Variants in CHMP3 observed in about 807,000 individuals in gnomAD.
CHMP3 encodes charged multivesicular body protein 3, also known as 25.1 protein.
A neutral mutation model predicts 27.4 loss-of-function variants in CHMP3; 8 were observed. The ratio of observed to expected loss-of-function variants is 0.29; its 90% CI spans 0.17 to 0.53. CHMP3 has a LOEUF of 0.53. Ranked by LOEUF, CHMP3 falls within the 20% of genes least tolerant of loss-of-function variation. The probability of loss-of-function intolerance (pLI) is 0.96; values close to 1 mark genes in which losing one functional copy is unlikely to be tolerated. For missense variants in CHMP3, 208 were observed against 271.5 expected (o/e 0.77, Z 1.64); for synonymous variants, 86 against 85.5 (o/e 1.01, Z -0.03).
intron 4 of CHMP3, among the ~76,000 whole-genome samples, chr2:86,507,941 C>T (rs80099165): frequency 0.016 from 2,390 of 152,262 alleles, 22 homozygotes; most frequent in Non-Finnish European, 0.026. Context: ...AAGCATCTGT[C>T]CTAACACTGC....
chr2:86,517,120 A>T (rs1675338223), intron 3 of CHMP3, among the ~76,000 whole-genome samples: 2 of 152,120 alleles, frequency 1.3e-5, no homozygotes, highest in Admixed American at 1.3e-4. Context: ...GCCTTAATTT[A>T]AAAAAAATTA....
At chr2:86,552,043 T>C (rs772313626) in intron 1 of CHMP3, among the ~76,000 whole-genome samples, 2 of 152,194 alleles carry the variant, frequency 1.3e-5, no homozygotes, top group Non-Finnish European at 2.9e-5. Context: ...CATACCAGGA[T>C]ATATGCTAGA....
intron 1 of CHMP3, among the ~76,000 whole-genome samples, chr2:86,555,935 G>A (rs1328446733): frequency 6.6e-6 from 1 of 152,108 alleles, no homozygotes; most frequent in Non-Finnish European, 1.5e-5. Context: ...TCTCTTTGGG[G>A]GTGGGGAGCT....
chr2:86,536,771 C>T (rs1295287704), intron 2 of CHMP3, among the ~76,000 whole-genome samples: 1 of 152,192 alleles, frequency 6.6e-6, no homozygotes, highest in African/African-American at 2.4e-5. Context: ...AGTTTTTAGC[C>T]ATTATTTCTT....
chr2:86,562,332 C>G (rs951711371), intron 1 of CHMP3: 1 of 148,354 alleles, frequency 6.7e-6, no homozygotes, highest in African/African-American at 2.6e-5. Context: ...CTTCTCAAAG[C>G]ACTGATGTGC....
chr2:86,528,375 C>T (rs777901701), intron 3 of CHMP3, among the ~76,000 whole-genome samples: 1 of 152,146 alleles, frequency 6.6e-6, no homozygotes, highest in Non-Finnish European at 1.5e-5. Flanking sequence ...CAGGCTCAGG[C>T]ACAGTGGTTA....
chr2:86,541,081 T>TG (rs1434908686), intron 2 of CHMP3: 1 of 152,152 alleles, frequency 6.6e-6, no homozygotes, highest in Non-Finnish European at 1.5e-5. Flanking sequence ...TTGGTTGGTA[T>TG]GGGCTTGTGG....
chr2:86,507,435 T>C (rs1206271645), intron 5 of CHMP3, 44 bp downstream of exon 5: 2 of 1,545,026 alleles, frequency 1.3e-6, no homozygotes, highest in Non-Finnish European at 1.8e-6. Flanking sequence ...GAAGGAAGAA[T>C]GGCCATAAAA....
intron 2 of CHMP3, among the ~76,000 whole-genome samples, chr2:86,531,614 C>A (rs533054902): frequency 1.6e-4 from 25 of 152,234 alleles, no homozygotes; most frequent in Middle Eastern, 6.8e-3. Flanking sequence ...ACATTTAGGT[C>A]TTTGATCCAT....
intron 3 of CHMP3, 63 bp downstream of exon 3, chr2:86,529,155 C>T (rs1478077057): frequency 1.4e-6 from 2 of 1,422,470 alleles, no homozygotes; most frequent in African/African-American, 1.5e-5. Flanking sequence ...TTCAAGGAAC[C>T]CGTGTTGATA....
chr2:86,545,900 C>T (rs1558658153), intron 1 of CHMP3, among the ~76,000 whole-genome samples: 2 of 152,122 alleles, frequency 1.3e-5, no homozygotes, highest in African/African-American at 2.4e-5. Context: ...GGCAGAGCGG[C>T]TCCTCACATC....
chr2:86,520,704 A>G (rs1373278571), intron 3 of CHMP3, among the ~76,000 whole-genome samples: 1 of 152,212 alleles, frequency 6.6e-6, no homozygotes, highest in Non-Finnish European at 1.5e-5. Context: ...ATACCTTGCA[A>G]ATTCATTTTC....
intron 3 of CHMP3, among the ~76,000 whole-genome samples, chr2:86,522,116 T>G (rs1228060316): frequency 2.0e-5 from 3 of 152,120 alleles, no homozygotes; most frequent in African/African-American, 7.2e-5. Context: ...GACAATGTAT[T>G]AATAGGTGAC....
At chr2:86,526,145 T>C (rs1385362402) in intron 3 of CHMP3, among the ~76,000 whole-genome samples, 2 of 152,266 alleles carry the variant, frequency 1.3e-5, no homozygotes, top group Non-Finnish European at 2.9e-5. Flanking sequence ...TAGGCTCTTA[T>C]GTGCAGTGCA....
intron 3 of CHMP3, chr2:86,512,008 T>G (rs1218985311): frequency 6.6e-6 from 1 of 152,128 alleles, no homozygotes; most frequent in African/African-American, 2.4e-5. Flanking sequence ...GAAATAAAAC[T>G]TATTACAAAA....
chr2:86,517,597 A>T (rs769567032), intron 3 of CHMP3, among the ~76,000 whole-genome samples: 9 of 151,770 alleles, frequency 5.9e-5, no homozygotes, highest in Non-Finnish European at 1.2e-4. Flanking sequence ...TTAGTTTCAT[A>T]ATCAGTAGAT....
At chr2:86,554,251 G>A (rs1043123592) in intron 1 of CHMP3, among the ~76,000 whole-genome samples, 2 of 152,100 alleles carry the variant, frequency 1.3e-5, no homozygotes, top group African/African-American at 4.8e-5. Flanking sequence ...TACTCAGCTG[G>A]TAGTATTTTG....
rs141026201 is a variant in CHMP3, at chr2:86,561,017, G to A, written c.45+2287C>T. Among the ~76,000 whole-genome samples, 287 of 152,266 alleles carry A rather than the reference G, an allele frequency of 1.9e-3. 2 individuals are homozygous for A. Among genetic ancestry groups the A allele is most frequent in the African/African-American group, 6.7e-3 (278 of 41,546 alleles). On this transcript the variant is annotated intron_variant, in intron 1 of 5. Coordinates refer to ENST00000263856, the MANE Select transcript of CHMP3 (RefSeq NM_016079.4). The stretch of plus-strand genomic sequence containing the variant: ...TACTAGGTCCCACCTCCAACACTGG[G>A]GATGACAATTTGACATGAGATTTGG...
At chr2:86,547,268 C>G (rs1030106756) in intron 1 of CHMP3, among the ~76,000 whole-genome samples, 1 of 152,108 alleles carries the variant, frequency 6.6e-6, no homozygotes, top group Non-Finnish European at 1.5e-5. Flanking sequence ...TTTGATTGCA[C>G]GGAATACAAG....
Sources: gnomAD v4.1 joint callset for allele counts (sites outside exome capture counted in the v4.1 genomes callset) on GRCh38, gnomAD v4.1.1 for gene constraint, MANE v1.5 for transcripts, NCBI Gene and HGNC (gene_info 2026-07-23, HGNC 2026-07-21) for gene names.